Variants in TNRC18 observed in about 807,000 individuals in gnomAD.
TNRC18 encodes trinucleotide repeat containing 18, also known as trinucleotide repeat-containing gene 18 protein.
A neutral mutation model predicts 226.7 loss-of-function variants in TNRC18; 69 were observed. The observed-to-expected ratio is 0.30, with a 90% confidence interval of 0.25 to 0.37. The LOEUF (loss-of-function observed/expected upper bound fraction) is 0.37. Among genes scored for constraint, TNRC18 ranks in the 10% least tolerant of loss-of-function variants. TNRC18 has a pLI of 1.00. For synonymous variants in TNRC18, 2,449 were observed against 1,927.6 expected, an observed-to-expected ratio of 1.27 and a Z score of -7.09; for missense variants, 4,754 against 4,256.6, an observed-to-expected ratio of 1.12 and a Z score of -3.25.
chr7:5,356,528 T>C (rs941525202), intron 16 of TNRC18, among the ~76,000 whole-genome samples: 4 of 152,238 alleles, frequency 2.6e-5, no homozygotes, highest in Non-Finnish European at 4.4e-5. Flanking sequence ...TCAAGAGCAG[T>C]CGCGCTCCAG....
At chr7:5,365,934 G>C (rs1452375040) in intron 11 of TNRC18, among the ~76,000 whole-genome samples, 3 of 152,140 alleles carry the variant, frequency 2.0e-5, no homozygotes, top group Non-Finnish European at 2.9e-5. Context: ...AGCCGGGCCT[G>C]GTGGCGCATG....
At position 5,371,293 on chromosome 7, in the gene TNRC18, G is replaced by T; in HGVS notation, c.3301C>A (p.Pro1101Thr). ...YGRPYPFLLQ[P>T]TAAADADGLA... ...CCGTCCGCGTCGGCGGCGGCCGTGG[G>T]CTGCAGCAGGAAAGGGTAGGGCCTC... The change falls in exon 11 of 30, where the codon CCC becomes ACC. Residue 1101 changes from proline to threonine, a missense_variant. By Grantham distance (38) the Pro-to-Thr change is conservative. Transcript: ENST00000430969. The T allele has an allele frequency of 6.4e-7, 1 of 1,572,930 alleles. No individual in the cohort carries two copies. The highest frequency in any genetic ancestry group is 8.6e-7 in the Non-Finnish European group (1 of 1,161,944).
At chr7:5,333,465 C>G (rs75394514) in intron 18 of TNRC18, among the ~76,000 whole-genome samples, 3,576 of 152,330 alleles carry the variant, frequency 0.023, 107 homozygotes, top group Admixed American at 0.061. Context: ...TTCTCTCCCC[C>G]GTTCTTGGTG....
intron 24 of TNRC18, 142 bp downstream of exon 24, chr7:5,320,176 A>T (rs1185602774): frequency 7.6e-6 from 5 of 658,662 alleles, no homozygotes; most frequent in Non-Finnish European, 1.1e-5. Flanking sequence ...GGATCCAATC[A>T]TGCCTGAAGG....
chr7:5,359,854 C>T (rs755735394), intron 14 of TNRC18, among the ~76,000 whole-genome samples: 2 of 152,128 alleles, frequency 1.3e-5, no homozygotes, highest in African/African-American at 4.8e-5. Flanking sequence ...CATCTCTGTG[C>T]GGTCAGATAC....
At position 5,307,480 on chromosome 7, in the gene TNRC18, G is replaced by A. The variant is rs372533570; in HGVS notation, c.*626C>T. On this transcript the variant is annotated 3_prime_UTR_variant, in exon 30 of 30. Transcript: ENST00000430969. ...TGAGGGTTTGGACCAGGGTGGGCCTGTGCCGGGCCCTCTCCACCTGGTGCC... is the reference window on the plus strand; with the variant it reads ...TGAGGGTTTGGACCAGGGTGGGCCTATGCCGGGCCCTCTCCACCTGGTGCC... The A allele has an allele frequency of 2.3e-5, 10 of 439,702 alleles. No homozygotes were observed. Among genetic ancestry groups the A allele is most frequent in the African/African-American group, 1.4e-4 (7 of 49,560 alleles). 27.2% of individuals were successfully genotyped at this position (439,702 alleles called of 1,614,324 possible).
intron 16 of TNRC18, 130 bp downstream of exon 16, chr7:5,356,786 G>C (rs980781205): frequency 2.3e-6 from 3 of 1,318,238 alleles, no homozygotes; most frequent in East Asian, 2.5e-5. Context: ...AGGCACTGTA[G>C]TGCGCCCCAG....
In TNRC18 at chr7:5,371,248, G is replaced by A. The variant is rs1213757205; in HGVS notation, c.3346C>T (p.Leu1116Phe). The A allele has an allele frequency of 2.5e-6, 4 of 1,603,690 alleles. No individual in the cohort carries two copies. Among genetic ancestry groups the A allele is most frequent in the African/African-American group, 2.7e-5 (2 of 74,872 alleles). ...AGGCGCTCGGGCCCATCAGCCGGGAGCGGCACATCAGGGGCCAAGCCGTCC... is the reference window on the plus strand; with the variant it reads ...AGGCGCTCGGGCCCATCAGCCGGGAACGGCACATCAGGGGCCAAGCCGTCC... The part of the protein sequence containing the change: ...DADGLAPDVP[L>F]PADGPERLAL... Residue 1116 changes from leucine (L) to phenylalanine (F), a missense_variant, in exon 11 of 30, where the codon CTC becomes TTC. Coordinates refer to ENST00000430969, the MANE Select transcript of TNRC18 (RefSeq NM_001080495.3).
At chr7:5,343,943 G>A (rs931113442) in intron 18 of TNRC18, among the ~76,000 whole-genome samples, 3 of 152,172 alleles carry the variant, frequency 2.0e-5, no homozygotes, top group Non-Finnish European at 2.9e-5. Context: ...GAATGAGAAG[G>A]AAGAAAATAA....
chr7:5,338,667 T>TTTTGGGAGG (rs1354157525), intron 18 of TNRC18, among the ~76,000 whole-genome samples: 6 of 142,600 alleles, frequency 4.2e-5, no homozygotes, highest in Non-Finnish European at 7.6e-5. Flanking sequence ...ACGCCTGTAA[T>TTTTGGGAGG]CCCAGCATTT....
At chr7:5,356,614 G>C (rs770617771) in intron 16 of TNRC18, among the ~76,000 whole-genome samples, 1 of 152,358 alleles carries the variant, frequency 6.6e-6, no homozygotes, top group Non-Finnish European at 1.5e-5. Flanking sequence ...TAGGCAAATG[G>C]CGGGCGGGCA....
intron 9 of TNRC18, among the ~76,000 whole-genome samples, chr7:5,374,865 C>T (rs542190578): frequency 5.3e-5 from 8 of 152,358 alleles, no homozygotes; most frequent in African/African-American, 1.4e-4. Flanking sequence ...TCACTACCTG[C>T]TAAACCTTCC....
At chr7:5,329,540 G>T (rs922320758) in intron 19 of TNRC18, among the ~76,000 whole-genome samples, 3 of 151,790 alleles carry the variant, frequency 2.0e-5, no homozygotes, top group African/African-American at 7.3e-5. Flanking sequence ...AAAATTAGCT[G>T]GGCATGGTGG....
At chr7:5,330,067 T>C (rs1789353995) in intron 19 of TNRC18, 12 of 450,718 alleles carry the variant, frequency 2.7e-5, no homozygotes, top group Non-Finnish European at 5.1e-5. Flanking sequence ...ACTGTTAATG[T>C]GTGGTAGGTG....
chr7:5,338,400 A>G (rs1457817945), intron 18 of TNRC18, among the ~76,000 whole-genome samples: 3 of 152,028 alleles, frequency 2.0e-5, no homozygotes, highest in Non-Finnish European at 2.9e-5. Flanking sequence ...AACAAACAAA[A>G]TAGACTTTTT....
chr7:5,344,615 T>G (rs374620305), intron 18 of TNRC18, among the ~76,000 whole-genome samples: 22 of 152,174 alleles, frequency 1.4e-4, no homozygotes, highest in African/African-American at 5.1e-4. Context: ...GGGGCAGCAA[T>G]ACCTGTTTTC....
chr7:5,361,178 G>A (rs1037272077), intron 14 of TNRC18, among the ~76,000 whole-genome samples: 1 of 152,116 alleles, frequency 6.6e-6, no homozygotes, highest in African/African-American at 2.4e-5. Context: ...CCCTGGTCTC[G>A]GGGCAAGCCA....
rs1300017699 is a variant in TNRC18 at position 5,333,067 on chromosome 7, G to A, written c.5720-18C>T. The A allele has an allele frequency of 1.9e-6, 3 of 1,560,510 alleles. No individual in the cohort carries two copies. The highest frequency in any genetic ancestry group is 1.2e-5 in the South Asian group (1 of 85,950). ...CTCTGTGCCTGAACGCGGGAGGAGG[G>A]CGTGCTGGTCACAGCCTCGTGGGGA... On this transcript the variant is annotated intron_variant, in intron 18 of 29. Coordinates refer to ENST00000430969, the MANE Select transcript of TNRC18 (RefSeq NM_001080495.3).
rs751118295 is a variant in TNRC18, at chr7:5,388,442, G to A, written c.1382C>T (p.Pro461Leu). The A allele has an allele frequency of 6.2e-6, 9 of 1,461,984 alleles. No homozygotes were observed. In the African/African-American group the frequency reaches 7.5e-5, roughly 12 times the overall value. The allele number at this position is 1,461,984 out of a possible 1,614,324, so 90.6% of individuals were successfully genotyped here. A position where few individuals can be genotyped will look rare whatever the true frequency, so the allele number is the denominator to read the frequency against. Residue 461 changes from proline (P) to leucine (L), a missense_variant, in exon 5 of 30, where the codon CCT (proline) becomes CTT (leucine). Coordinates refer to ENST00000430969, the MANE Select transcript of TNRC18 (RefSeq NM_001080495.3). ...CTCGGGCTTGAGCAGCTCCTTGGCA[G>A]GCACGTAGGCGCGGGGGTCCGGGGA... Reference protein sequence around the residue: ...RASPDPRAYVPAKELLKPEAD... With the variant: ...RASPDPRAYVLAKELLKPEAD...
Sources: gnomAD v4.1 joint callset for allele counts (sites outside exome capture counted in the v4.1 genomes callset) on GRCh38, gnomAD v4.1.1 for gene constraint, MANE v1.5 for transcripts, NCBI Gene and HGNC (gene_info 2026-07-23, HGNC 2026-07-21) for gene names.